ZNF540: variants seen among roughly 807,000 people sequenced by gnomAD.
The protein encoded by ZNF540 is zinc finger protein 540.
ZNF540 carries 3 observed loss-of-function variants against 11.8 expected under a neutral mutation model. That is an observed-to-expected ratio of 0.25 (90% CI 0.12 to 0.65). The LOEUF (loss-of-function observed/expected upper bound fraction) is 0.65, where lower values mean the gene tolerates loss of function less well. Ranked by LOEUF, ZNF540 falls within the 30% of genes least tolerant of loss-of-function variation. ZNF540 has a pLI of 0.83. For missense variants in ZNF540, 709 were observed against 793.1 expected (o/e 0.89, Z 1.27); for synonymous variants, 247 against 259.0 (o/e 0.95, Z 0.45).
At position 37,612,141 on chromosome 19, in the gene ZNF540, T is replaced by G; in HGVS notation, c.861T>G (p.Thr287=). ...DKGFFSRLEL[T]QHKRIHTGKK... is the part of the protein sequence containing the mutation. ...GTTTTTTTAGTAGATTAGAACTTAC[T>G]CAACATAAAAGAATTCATACTGGTA... Residue 287 remains threonine (T), a synonymous_variant, in exon 5 of 5, where the codon ACT becomes ACG. Transcript: ENST00000316433. 6.2e-7 allele frequency: 1 copy of G among 1,611,642 alleles called. No individual in the cohort carries two copies. The highest frequency in any genetic ancestry group is 8.5e-7 in the Non-Finnish European group (1 of 1,179,702).
upstream of ZNF540, among the ~76,000 whole-genome samples, chr19:37,591,589 G>A (rs1018466933): frequency 6.6e-6 from 1 of 152,208 alleles, no homozygotes; most frequent in Non-Finnish European, 1.5e-5. Context: ...TTGTTGCCCA[G>A]GCTGTAGTGC....
intron 4 of ZNF540, among the ~76,000 whole-genome samples, chr19:37,603,492 C>T (rs2044056844): frequency 6.6e-6 from 1 of 152,082 alleles, no homozygotes; most frequent in South Asian, 2.1e-4. Context: ...TTATGTATTT[C>T]TTTTCAATGC....
intron 1 of ZNF540, among the ~76,000 whole-genome samples, chr19:37,561,557 T>C (rs1217777924): frequency 1.3e-5 from 2 of 152,208 alleles, no homozygotes; most frequent in Non-Finnish European, 2.9e-5. Flanking sequence ...TTACTGCAGG[T>C]CTTCTCAACC....
At chr19:37,558,276 G>A (rs919390271) in intron 1 of ZNF540, among the ~76,000 whole-genome samples, 1 of 152,078 alleles carries the variant, frequency 6.6e-6, no homozygotes, top group African/African-American at 2.4e-5. Context: ...AACCTTTTGG[G>A]CTATTTCTAA....
chr19:37,613,030 T>C lies in ZNF540; in HGVS notation c.1750T>C (p.Cys584Arg), dbSNP rs1599594153. 6.2e-7 allele frequency: 1 copy of C among 1,614,112 alleles called. No individual in the cohort carries two copies. The highest frequency in any genetic ancestry group is 2.2e-5 in the East Asian group (1 of 44,874). ...TGTAAAACCATACAAATGTAAAGAA[T>C]GTGGGAAGGCCTTTAGTCGTAGTGT... The part of the protein sequence containing the change: ...TGVKPYKCKE[C>R]GKAFSRSVDL... The change falls in exon 5 of 5, where the codon TGT (cysteine) becomes CGT (arginine). Residue 584 changes from cysteine (C) to arginine (R), a missense_variant. Coordinates refer to ENST00000316433, the MANE Select transcript of ZNF540 (RefSeq NM_001172225.3).
chr19:37,588,912 G>T (rs991515206), intron 1 of ZNF540, among the ~76,000 whole-genome samples: 8 of 152,128 alleles, frequency 5.3e-5, no homozygotes, highest in South Asian at 2.1e-4. Context: ...ATTAAAAAAT[G>T]AAATTGGCAG....
intron 1 of ZNF540, among the ~76,000 whole-genome samples, chr19:37,568,571 C>G (rs2042947374): frequency 6.6e-6 from 1 of 152,070 alleles, no homozygotes; most frequent in Non-Finnish European, 1.5e-5. Context: ...AAATATTAAT[C>G]TAATATGATT....
At chr19:37,555,810 T>G in intron 1 of ZNF540, 1 of 666,146 alleles carries the variant, frequency 1.5e-6, no homozygotes, top group East Asian at 2.7e-5. Context: ...TACTACTGAG[T>G]TGAATTAGGG....
chr19:37,603,976 G>T (rs2044060772), intron 4 of ZNF540, among the ~76,000 whole-genome samples: 1 of 151,932 alleles, frequency 6.6e-6, no homozygotes, highest in Non-Finnish European at 1.5e-5. Flanking sequence ...TCTTAAAAAT[G>T]TTTGCCTCTA....
intron 1 of ZNF540, among the ~76,000 whole-genome samples, chr19:37,566,969 C>T (rs145428823): frequency 1.3e-5 from 2 of 152,232 alleles, no homozygotes; most frequent in African/African-American, 4.8e-5. Flanking sequence ...TCATCACTTA[C>T]CACTCCCCTA....
chr19:37,601,169 G>A, intron 4 of ZNF540, 64 bp downstream of exon 4: 7 of 1,383,672 alleles, frequency 5.1e-6, no homozygotes, highest in African/African-American at 1.4e-5. Context: ...GCTGGTGAGG[G>A]AGCATATACA....
Position 37,565,472 on chromosome 19 carries a change from C to T in ZNF540, c.-73+13807C>T, listed in dbSNP as rs61744939. Reference sequence around the variant, plus strand: ...TCTCTGATGGTATGTAAGGTGTGAACCAAGAATAAAGGCCTTTCCACATTC... The same window carrying T: ...TCTCTGATGGTATGTAAGGTGTGAATCAAGAATAAAGGCCTTTCCACATTC... On this transcript the variant is annotated intron_variant, in intron 1 of 4. Transcript: ENST00000592533. 4.0e-3 allele frequency: 6,495 copies of T among 1,611,920 alleles called. 223 individuals are homozygous for T. In the African/African-American group the frequency reaches 0.076, roughly 19 times the overall value.
chr19:37,596,768 C>A (rs551998128), intron 1 of ZNF540, among the ~76,000 whole-genome samples: 4 of 152,220 alleles, frequency 2.6e-5, no homozygotes, highest in African/African-American at 9.6e-5. Flanking sequence ...TATAACATGG[C>A]GTGAGGGCAT....
At chr19:37,578,804 C>T (rs939515418) in intron 1 of ZNF540, among the ~76,000 whole-genome samples, 1 of 152,088 alleles carries the variant, frequency 6.6e-6, no homozygotes, top group Non-Finnish European at 1.5e-5. Context: ...GCAGCAACCG[C>T]ACCTCTGCAG....
At chr19:37,604,296 CTTTTTTTTTTTTTTTTT>C (rs769163050) in intron 4 of ZNF540, among the ~76,000 whole-genome samples, 12 of 75,272 alleles carry the variant, frequency 1.6e-4, no homozygotes, top group African/African-American at 1.6e-4. Context: ...AATAGCCTTA[CTTTTTTTTTTTTTTTTT>C]TTTTTTTTTT....
chr19:37,576,189 C>T (rs2043237305), intron 1 of ZNF540, among the ~76,000 whole-genome samples: 1 of 152,080 alleles, frequency 6.6e-6, no homozygotes, highest in African/African-American at 2.4e-5. Flanking sequence ...AAAAAATCCA[C>T]CAATAATGAC....
Position 37,612,522 on chromosome 19 carries a change from G to A in ZNF540, c.1242G>A (p.Lys414=), listed in dbSNP as rs779781563. The A allele has an allele frequency of 3.1e-6, 5 of 1,614,104 alleles. No individual in the cohort carries two copies. The highest frequency in any genetic ancestry group is 4.2e-6 in the Non-Finnish European group (5 of 1,180,010). ...CTGGTATAAAACCTTTTGCATGTAA[G>A]GTGTGTGAGAAGGCTTTTAGTTATA... ...IHTGIKPFAC[K]VCEKAFSYSG... Residue 414 remains lysine, a synonymous_variant, in exon 5 of 5, where the codon AAG becomes AAA. Transcript: ENST00000316433.
At chr19:37,593,337 A>G (rs116627092), upstream of ZNF540, among the ~76,000 whole-genome samples, 3,311 of 152,294 alleles carry the variant, frequency 0.022, 127 homozygotes, top group African/African-American at 0.075. Context: ...GCCTGCTTGA[A>G]AACATCCACA....
chr19:37,588,500 A>C (rs936258042), intron 1 of ZNF540, among the ~76,000 whole-genome samples: 2 of 152,220 alleles, frequency 1.3e-5, no homozygotes, highest in Non-Finnish European at 2.9e-5. Context: ...CTGGAAGCTA[A>C]GCACTGGGTA....
Sources: allele counts gnomAD v4.1 joint callset (sites outside exome capture counted in the v4.1 genomes callset), GRCh38; gene constraint gnomAD v4.1.1; transcripts MANE v1.5; gene names NCBI Gene and HGNC (gene_info 2026-07-23, HGNC 2026-07-21).